The following BCAS3 variants were observed in gnomAD, a reference collection of about 807,000 sequenced individuals.
BCAS3 encodes the protein BCAS3 microtubule associated cell migration factor, also known as BCAS4/BCAS3 fusion.
In BCAS3, 53 loss-of-function variants were observed where a neutral mutation model predicts 116.1. The ratio of observed to expected loss-of-function variants is 0.46; its 90% confidence interval spans 0.37 to 0.57. The LOEUF (loss-of-function observed/expected upper bound fraction) is 0.57, where lower values mean the gene tolerates loss of function less well. Among genes scored for constraint, BCAS3 ranks in the 20% least tolerant of loss-of-function variants. The pLI, the probability that BCAS3 is intolerant of heterozygous loss-of-function variation, is 0.00. For missense variants in BCAS3, 917 were observed against 1,165.4 expected (o/e 0.79, Z 3.10); for synonymous variants, 391 against 408.2 (o/e 0.96, Z 0.51).
At chr17:60,959,340 C>T (rs779565973) in intron 14 of BCAS3, among the ~76,000 whole-genome samples, 5 of 151,672 alleles carry the variant, frequency 3.3e-5, no homozygotes, top group Non-Finnish European at 7.4e-5. Context: ...TTTGTTTTTG[C>T]TTTGCAAAAT....
At chr17:60,932,878 A>C (rs1049710543) in intron 13 of BCAS3, among the ~76,000 whole-genome samples, 1 of 152,058 alleles carries the variant, frequency 6.6e-6, no homozygotes, top group African/African-American at 2.4e-5. Context: ...ATAGTAATTT[A>C]AAATACCCCA....
rs984818483 is a variant in BCAS3 at position 61,344,856 on chromosome 17, G to A, written c.2426-23471G>A. On this transcript the variant is annotated intron_variant, in intron 22 of 23. Transcript: ENST00000407086. This position sits in a 1 kb window ranked among gnomAD's most constrained non-coding sequence, Gnocchi z 4.1. ...GACAACCATGGCGAGGAGTTGCAAT[G>A]TCACTCCAGCCCCTTGTTTGCCACC... Among the ~76,000 whole-genome samples, 3 of 151,968 alleles carry A rather than the reference G, an allele frequency of 2.0e-5. No homozygotes were observed. Among genetic ancestry groups the A allele is most frequent in the Admixed American group, 6.6e-5 (1 of 15,256 alleles).
chr17:61,039,755 C>G (rs1383984464), intron 18 of BCAS3, among the ~76,000 whole-genome samples: 1 of 152,042 alleles, frequency 6.6e-6, no homozygotes, highest in Non-Finnish European at 1.5e-5. Context: ...TCTGTATGTA[C>G]CTTGGAGAAT....
At chr17:61,054,026 G>T (rs1295602755) in intron 19 of BCAS3, among the ~76,000 whole-genome samples, 1 of 152,236 alleles carries the variant, frequency 6.6e-6, no homozygotes, top group Non-Finnish European at 1.5e-5. Flanking sequence ...TCACTGAAAA[G>T]ATGTCAGATA....
intron 14 of BCAS3, among the ~76,000 whole-genome samples, chr17:60,985,131 C>A (rs964895873): frequency 3.5e-5 from 5 of 144,778 alleles, no homozygotes; most frequent in African/African-American, 1.3e-4. Flanking sequence ...ATAAACGATT[C>A]AACTGTATTC....
At position 61,203,710 on chromosome 17, in the gene BCAS3, G is replaced by C. The variant is rs1406589841; in HGVS notation, c.2425+119146G>C. 6.6e-6 allele frequency among the ~76,000 whole-genome samples: 1 copy of C among 152,148 alleles called. No individual in the cohort carries two copies. The highest frequency in any genetic ancestry group is 1.5e-5 in the Non-Finnish European group (1 of 68,038). ...TAACCATTTTTTTGTTTCAGGTTGA[G>C]TGTGATTCTTTCTTCCCAGCTGGAA... On this transcript the variant is annotated intron_variant, in intron 22 of 23. Transcript: ENST00000407086. This position sits in a 1 kb window ranked among gnomAD's most constrained non-coding sequence, Gnocchi z 5.7.
rs2051871948 is a variant in BCAS3 at position 61,287,058 on chromosome 17, C to G, written c.2426-81269C>G. ...GGTCAGGAGATCGAGACCATCCTGG[C>G]TAACACGGTGAAACCCCGTCTCTAC... On this transcript the variant is annotated intron_variant, in intron 22 of 23. Coordinates refer to ENST00000407086, the MANE Select transcript of BCAS3 (RefSeq NM_017679.5). 2.6e-5 allele frequency among the ~76,000 whole-genome samples: 4 copies of G among 151,772 alleles called. No homozygotes were observed. In the South Asian group the frequency reaches 8.3e-4, roughly 32 times the overall value.
chr17:61,267,051 T>C (rs191352865), intron 22 of BCAS3, among the ~76,000 whole-genome samples: 47 of 152,236 alleles, frequency 3.1e-4, no homozygotes, highest in African/African-American at 1.1e-3. Flanking sequence ...TAATTTTTTG[T>C]GTTGTTGTTT....
At chr17:60,780,685 A>C (rs1598666000) in intron 6 of BCAS3, among the ~76,000 whole-genome samples, 1 of 152,180 alleles carries the variant, frequency 6.6e-6, no homozygotes, top group Admixed American at 6.5e-5. Context: ...AGACCTCTTG[A>C]TACGAATTTT....
intron 7 of BCAS3, among the ~76,000 whole-genome samples, chr17:60,835,335 T>C (rs984838680): frequency 3.9e-5 from 6 of 152,062 alleles, no homozygotes; most frequent in Non-Finnish European, 5.9e-5. Flanking sequence ...TATTATCTAC[T>C]ACATGAATAC....
At position 61,084,840 on chromosome 17, in the gene BCAS3, C is replaced by G. The variant is rs1302871993; in HGVS notation, c.2425+276C>G. ...GGCTACAGGGTTGATGACTGTTTTG[C>G]CTTTGATCACTGAAATGTGGAGAAG... On this transcript the variant is annotated intron_variant, in intron 22 of 23. Transcript: ENST00000407086. The surrounding 1 kb of genome is among the most constrained non-coding windows in gnomAD (Gnocchi z 5.5). Among the ~76,000 whole-genome samples the G allele has an allele frequency of 6.6e-6, 1 of 152,128 alleles. No homozygotes were observed. The highest frequency in any genetic ancestry group is 1.5e-5 in the Non-Finnish European group (1 of 68,028).
At chr17:61,000,299 C>T (rs925082857) in intron 15 of BCAS3, among the ~76,000 whole-genome samples, 3 of 151,944 alleles carry the variant, frequency 2.0e-5, no homozygotes, top group Admixed American at 6.6e-5. Context: ...TATTTTGAGT[C>T]TACTTTTATT....
chr17:60,704,129 G>A (rs1346861631), intron 4 of BCAS3, among the ~76,000 whole-genome samples: 2 of 152,120 alleles, frequency 1.3e-5, no homozygotes, highest in Non-Finnish European at 2.9e-5. Flanking sequence ...AGCAACTTCT[G>A]CCGACCAAGA....
Position 61,327,358 on chromosome 17 carries a change from G to A in BCAS3, c.2426-40969G>A, listed in dbSNP as rs1419349857. On this transcript the variant is annotated intron_variant, in intron 22 of 23. Coordinates refer to ENST00000407086, the MANE Select transcript of BCAS3 (RefSeq NM_017679.5). This position sits in a 1 kb window ranked among gnomAD's most constrained non-coding sequence, Gnocchi z 5.9. The stretch of plus-strand genomic sequence containing the variant: ...AAACGTTTAAAAAATCAATTTTAGA[G>A]GCAATTGGACTACAGAGTCAAGGAG... 1.3e-5 allele frequency among the ~76,000 whole-genome samples: 2 copies of A among 151,992 alleles called. No individual in the cohort carries two copies.
chr17:60,767,121 AG>A (rs772694996), intron 6 of BCAS3, among the ~76,000 whole-genome samples: 6 of 152,152 alleles, frequency 3.9e-5, no homozygotes, highest in African/African-American at 4.8e-5. Flanking sequence ...TCACTTGGCT[AG>A]GAAAAATCCC....
intron 22 of BCAS3, among the ~76,000 whole-genome samples, chr17:61,291,517 C>T (rs2052407271): frequency 6.6e-6 from 1 of 152,152 alleles, no homozygotes; most frequent in Non-Finnish European, 1.5e-5. Context: ...AGGGTTCACA[C>T]CTTTAAAATG....
chr17:60,701,249 A>T (rs536342773), intron 4 of BCAS3, among the ~76,000 whole-genome samples: 26 of 152,164 alleles, frequency 1.7e-4, no homozygotes, highest in South Asian at 8.3e-4. Flanking sequence ...CTCCAAAAAA[A>T]AAATAAATAA....
intron 22 of BCAS3, among the ~76,000 whole-genome samples, chr17:61,250,635 C>T (rs961827557): frequency 2.6e-5 from 4 of 152,164 alleles, no homozygotes; most frequent in African/African-American, 7.2e-5. Flanking sequence ...CACAGTCTCC[C>T]GTTTTCGGAC....
rs1388735273 is a variant in BCAS3, at chr17:60,995,450, C to T, written c.1486+5215C>T. ...GTGCTGGGATTACAGACATGAGCCA[C>T]CGCGCCCAGCCGAATTTTTGTATTT... On this transcript the variant is annotated intron_variant, in intron 15 of 23. Transcript: ENST00000407086. The surrounding 1 kb of genome is among the most constrained non-coding windows in gnomAD (Gnocchi z 4.7). 1.3e-5 allele frequency among the ~76,000 whole-genome samples: 2 copies of T among 151,900 alleles called. No individual in the cohort carries two copies. Among genetic ancestry groups the T allele is most frequent in the Admixed American group, 6.6e-5 (1 of 15,242 alleles).
Sources: gnomAD v4.1 joint callset for allele counts (sites outside exome capture counted in the v4.1 genomes callset) on GRCh38, gnomAD v4.1.1 for gene constraint, Gnocchi (gnomAD v3.1) non-coding constraint, MANE v1.5 for transcripts, NCBI Gene and HGNC (gene_info 2026-07-23, HGNC 2026-07-21) for gene names.